Variants in ADGRV1 observed in about 807,000 individuals in gnomAD.
The protein encoded by ADGRV1 is G-protein coupled receptor 98.
In ADGRV1, 359 loss-of-function variants were observed where a neutral mutation model predicts 596.2. That is an observed-to-expected ratio of 0.60 (90% CI 0.55 to 0.66). The LOEUF is 0.66. Among genes scored for constraint, ADGRV1 ranks in the 30% least tolerant of loss-of-function variants. ADGRV1 has a pLI of 0.00. For synonymous variants in ADGRV1, 2,681 were observed against 2,679.2 expected (o/e 1.00, Z -0.02); for missense variants, 7,274 against 7,575.6 (o/e 0.96, Z 1.48).
chr5:90,678,858 T>A (rs1744579368), intron 25 of ADGRV1, among the ~76,000 whole-genome samples: 1 of 151,912 alleles, frequency 6.6e-6, no homozygotes. Flanking sequence ...CATGTGAACT[T>A]TGGGGAACAC....
intron 70 of ADGRV1, among the ~76,000 whole-genome samples, chr5:90,795,979 A>G (rs1023176380): frequency 2.6e-5 from 4 of 152,218 alleles, no homozygotes; most frequent in Non-Finnish European, 5.9e-5. Context: ...AAGGTCACCA[A>G]CATCAAAGAC....
At chr5:90,730,809 T>C (rs991231255) in intron 50 of ADGRV1, among the ~76,000 whole-genome samples, 1 of 152,146 alleles carries the variant, frequency 6.6e-6, no homozygotes, top group African/African-American at 2.4e-5. Context: ...GGTCATCATG[T>C]CTCCTGTTGA....
intron 87 of ADGRV1, among the ~76,000 whole-genome samples, chr5:91,149,330 G>GAGGC (rs1795820203): frequency 6.6e-6 from 1 of 152,196 alleles, no homozygotes; most frequent in South Asian, 2.1e-4. Flanking sequence ...TTGGATCATG[G>GAGGC]AGGCAGTTTT....
Position 90,893,296 on chromosome 5 carries a change from A to G in ADGRV1, c.17856+29439A>G, listed in dbSNP as rs535812158. ...TTAATGATAGTATCAGCTTCCCCCAAATTGAATACTATGAAAGAGAGAATG... is the reference window on the plus strand; with the variant it reads ...TTAATGATAGTATCAGCTTCCCCCAGATTGAATACTATGAAAGAGAGAATG... On this transcript the variant is annotated intron_variant, in intron 83 of 89. Transcript: ENST00000405460. 1.1e-4 allele frequency among the ~76,000 whole-genome samples: 16 copies of G among 152,216 alleles called. No homozygotes were observed. The South Asian group carries it at 1.9e-3, about 18-fold the overall frequency.
Position 91,059,414 on chromosome 5 carries a change from A to G in ADGRV1, c.18153-13033A>G, listed in dbSNP as rs181532941. Among the ~76,000 whole-genome samples, 10 of 152,276 alleles carry G rather than the reference A, an allele frequency of 6.6e-5. No individual in the cohort carries two copies. In the East Asian group the frequency reaches 1.9e-3, roughly 29 times the overall value. ...AGCAGAATTATTCTAACCCATCAGT[A>G]AAAGGCTTCTCCTCACTCTGTCCTT... On this transcript the variant is annotated intron_variant, in intron 85 of 89. Transcript: ENST00000405460.
intron 21 of ADGRV1, among the ~76,000 whole-genome samples, chr5:90,668,927 C>G (rs751584222): frequency 2.0e-5 from 3 of 152,106 alleles, no homozygotes; most frequent in Non-Finnish European, 4.4e-5. Flanking sequence ...TGTGCTAATG[C>G]TTACTGACTT....
At chr5:91,135,398 T>A (rs1794551180) in intron 87 of ADGRV1, among the ~76,000 whole-genome samples, 1 of 152,140 alleles carries the variant, frequency 6.6e-6, no homozygotes, top group Non-Finnish European at 1.5e-5. Context: ...ACTATAGGTG[T>A]TTTTAGGCCC....
intron 78 of ADGRV1, among the ~76,000 whole-genome samples, chr5:90,843,722 A>G (rs1765628701): frequency 6.6e-6 from 1 of 152,208 alleles, no homozygotes; most frequent in Non-Finnish European, 1.5e-5. Flanking sequence ...GTGAAAACAC[A>G]ACTAATGAGT....
chr5:90,731,432 A>G (rs1752532039), intron 50 of ADGRV1, among the ~76,000 whole-genome samples: 1 of 152,226 alleles, frequency 6.6e-6, no homozygotes, highest in Admixed American at 6.5e-5. Flanking sequence ...GTTGGGACAC[A>G]GAGCCAAACC....
chr5:90,781,452 G>A lies in ADGRV1; in HGVS notation c.13105G>A (p.Glu4369Lys). Residue 4369 changes from glutamate (E) to lysine (K), a missense_variant, in exon 65 of 90, where the codon GAA becomes AAA. Around this residue, in one of 5 missense-constraint regions of ADGRV1, gnomAD observed 3,643 missense variants for 3,809.2 expected, o/e 0.96. Coordinates refer to ENST00000405460, the MANE Select transcript of ADGRV1 (RefSeq NM_032119.4). Reference sequence around the variant, plus strand: ...AAGAGGGTATGATTTTACCATTCAAGAAAATGGACTTCAGATAGATCAACC... The same window carrying A: ...AAGAGGGTATGATTTTACCATTCAAAAAAATGGACTTCAGATAGATCAACC... Reference protein sequence around the residue: ...QGRGYDFTIQENGLQIDQPPE... With the variant: ...QGRGYDFTIQKNGLQIDQPPE... 1 of 1,606,364 alleles carries A rather than the reference G, an allele frequency of 6.2e-7. No homozygotes were observed. Among genetic ancestry groups the A allele is most frequent in the East Asian group, 2.2e-5 (1 of 44,704 alleles).
Position 90,783,924 on chromosome 5 carries a change from TAGC to T in ADGRV1, c.13521_13523del (p.Ala4508del). 6.2e-7 allele frequency: 1 copy of T among 1,612,486 alleles called. No homozygotes were observed. The highest frequency in any genetic ancestry group is 2.2e-5 in the East Asian group (1 of 44,822). On this transcript the variant is annotated inframe_deletion, in exon 67 of 90. Coordinates refer to ENST00000405460, the MANE Select transcript of ADGRV1 (RefSeq NM_032119.4). The stretch of plus-strand genomic sequence containing the variant: ...CGCCACCTAGTGAGCAGAATCATAA[TAGC>T]TAAGAGTGACTCTCCCTTTGGAGTT...
intron 1 of ADGRV1, among the ~76,000 whole-genome samples, chr5:90,578,215 T>G (rs1034510297): frequency 2.6e-5 from 4 of 152,198 alleles, no homozygotes; most frequent in Non-Finnish European, 5.9e-5. Flanking sequence ...TGCTTCCAGT[T>G]TTTGCCCATT....
At chr5:90,604,176 TCTACAAA>T (rs1761789762) in intron 1 of ADGRV1, among the ~76,000 whole-genome samples, 1 of 151,948 alleles carries the variant, frequency 6.6e-6, no homozygotes, top group South Asian at 2.1e-4. Context: ...AAATGTGAAA[TCTACAAA>T]TTTTAAATCT....
rs1756719950 is a variant in ADGRV1, at chr5:90,763,354, C to T, written c.12170C>T (p.Thr4057Ile). Reference protein sequence around the residue: ...LSSDDPDSYVTLTVVRSPGGK... With the variant: ...LSSDDPDSYVILTVVRSPGGK... ...TCCGATGACCCTGATTCATATGTGACATTGACGGTTGTCCGGTCCCCAGGA... is the reference window on the plus strand; with the variant it reads ...TCCGATGACCCTGATTCATATGTGATATTGACGGTTGTCCGGTCCCCAGGA... The change falls in exon 59 of 90, where the codon ACA becomes ATA. Residue 4057 changes from threonine to isoleucine, a missense_variant. Coordinates refer to ENST00000405460, the MANE Select transcript of ADGRV1 (RefSeq NM_032119.4). The T allele has an allele frequency of 1.2e-6, 2 of 1,611,636 alleles. No homozygotes were observed. The highest frequency in any genetic ancestry group is 1.1e-5 in the South Asian group (1 of 90,830).
At chr5:90,668,020 A>T (rs1378826808) in intron 21 of ADGRV1, among the ~76,000 whole-genome samples, 3 of 151,894 alleles carry the variant, frequency 2.0e-5, no homozygotes, top group Non-Finnish European at 4.4e-5. Context: ...CAAAGCTGTC[A>T]GACAGGGACA....
chr5:91,120,562 G>A (rs1793224028), intron 87 of ADGRV1, among the ~76,000 whole-genome samples: 1 of 151,840 alleles, frequency 6.6e-6, no homozygotes, highest in African/African-American at 2.4e-5. Context: ...GTTGTTTTCA[G>A]AGCTTTTGGA....
chr5:90,653,182 TCTCA>T, intron 19 of ADGRV1, 23 bp from the exon 20 acceptor site: 1 of 1,549,138 alleles, frequency 6.5e-7, no homozygotes, highest in Non-Finnish European at 8.7e-7. Flanking sequence ...AATTCTAGTT[TCTCA>T]CTCATAAATT....
At chr5:90,583,836 A>G (rs1758387389) in intron 1 of ADGRV1, among the ~76,000 whole-genome samples, 1 of 119,564 alleles carries the variant, frequency 8.4e-6, no homozygotes, top group Non-Finnish European at 1.9e-5. Flanking sequence ...TATAGAGAGA[A>G]GAGAGTAAAA....
At chr5:90,682,027 C>T (rs6894373) in intron 27 of ADGRV1, among the ~76,000 whole-genome samples, 5,715 of 152,010 alleles carry the variant, frequency 0.038, 370 homozygotes, top group African/African-American at 0.13. Context: ...CCACCACGCC[C>T]GGCTAATTTT....
Sources: allele counts gnomAD v4.1 joint callset (sites outside exome capture counted in the v4.1 genomes callset), GRCh38; gene constraint gnomAD v4.1.1; regional missense constraint gnomAD v4.1.1; transcripts MANE v1.5; gene names NCBI Gene and HGNC (gene_info 2026-07-23, HGNC 2026-07-21).